ZNF577: variants seen among roughly 807,000 people sequenced by gnomAD.
ZNF577 encodes zinc finger protein 577.
In ZNF577, 14 loss-of-function variants were observed where a neutral mutation model predicts 13.9. The observed-to-expected ratio is 1.00, with a 90% CI of 0.66 to 1.57. ZNF577 has a LOEUF of 1.57. Among genes scored for constraint, ZNF577 ranks in the 40% most tolerant of loss-of-function variants. ZNF577 has a pLI of 0.00. For missense variants in ZNF577, 555 were observed against 579.2 expected (o/e 0.96, Z 0.43); for synonymous variants, 203 against 202.9 (o/e 1.00, Z 0.00).
chr19:51,874,172 C>T (rs1362289506), intron 5 of ZNF577, among the ~76,000 whole-genome samples: 1 of 152,116 alleles, frequency 6.6e-6, no homozygotes, highest in Non-Finnish European at 1.5e-5. Flanking sequence ...CACATTGCAA[C>T]TGGAATAAAT....
Position 51,872,876 on chromosome 19 carries a change from G to A in ZNF577, c.1114C>T (p.His372Tyr). The A allele has an allele frequency of 6.2e-7, 1 of 1,614,172 alleles. No individual in the cohort carries two copies. Among genetic ancestry groups the A allele is most frequent in the African/African-American group, 1.3e-5 (1 of 75,044 alleles). ...AFAHMSVLIK[H>Y]EKTHIRETAI... ...GTCTCTCTTATGTGAGTTTTCTCAT[G>A]TTTAATGAGGACTGACATGTGGGCA... Residue 372 changes from histidine (H) to tyrosine (Y), a missense_variant, in exon 6 of 6, where the codon CAT (histidine) becomes TAT (tyrosine). His to Tyr is a moderately conservative substitution (Grantham distance 83). Transcript: ENST00000638348.
At chr19:51,866,071 C>T (rs912074726), downstream of ZNF577, among the ~76,000 whole-genome samples, 4 of 151,200 alleles carry the variant, frequency 2.6e-5, no homozygotes, top group Admixed American at 6.6e-5. Flanking sequence ...GCTGAGATGG[C>T]GCCACTGCAC....
At position 51,887,222 on chromosome 19, in the gene ZNF577, T is replaced by C. The variant is rs2084960511; in HGVS notation, c.-620A>G. 6.6e-6 allele frequency: 1 copy of C among 152,190 alleles called. No individual in the cohort carries two copies. The highest frequency in any genetic ancestry group is 1.5e-5 in the Non-Finnish European group (1 of 68,032). 9.4% of individuals were successfully genotyped at this position (152,190 alleles called of 1,614,324 possible). The stretch of plus-strand genomic sequence containing the variant: ...TGTTCCTGAAAGTGTTGTATCTAGA[T>C]CTACATCAATTCTACCCAAATTAAA... On this transcript the variant is annotated 5_prime_UTR_variant, in exon 1 of 6. Coordinates refer to ENST00000638348, the MANE Select transcript of ZNF577 (RefSeq NM_001370449.1).
At chr19:51,843,674 G>A (rs1326469073) in intron 6 of ZNF577, among the ~76,000 whole-genome samples, 1 of 152,146 alleles carries the variant, frequency 6.6e-6, no homozygotes, top group Non-Finnish European at 1.5e-5. Context: ...TTCTGATCTT[G>A]CACAGAGTAG....
chr19:51,805,367 T>C (rs1209555950), intron 10 of ZNF577: 1 of 152,216 alleles, frequency 6.6e-6, no homozygotes, highest in Non-Finnish European at 1.5e-5. Context: ...CTTCCTGGAA[T>C]TCAGTCCAGT....
At chr19:51,834,675 G>C (rs1053343797) in intron 9 of ZNF577, among the ~76,000 whole-genome samples, 1 of 146,456 alleles carries the variant, frequency 6.8e-6, no homozygotes, top group African/African-American at 2.5e-5. Context: ...TAAAGCTAAA[G>C]ACAGTGTGCA....
chr19:51,839,446 A>C (rs1470134421), intron 9 of ZNF577, among the ~76,000 whole-genome samples: 1 of 152,134 alleles, frequency 6.6e-6, no homozygotes, highest in East Asian at 1.9e-4. Context: ...ATACCCATAC[A>C]CATATACCAA....
chr19:51,816,891 T>A (rs1368630456), intron 9 of ZNF577, among the ~76,000 whole-genome samples: 1 of 152,234 alleles, frequency 6.6e-6, no homozygotes, highest in Non-Finnish European at 1.5e-5. Flanking sequence ...GAAGTATGTG[T>A]GTAAATAGAG....
intron 9 of ZNF577, among the ~76,000 whole-genome samples, chr19:51,814,256 A>C (rs964854716): frequency 1.3e-5 from 2 of 152,126 alleles, no homozygotes; most frequent in Non-Finnish European, 2.9e-5. Flanking sequence ...TGTTGCTTAA[A>C]ATCTCAGAAA....
chr19:51,830,704 T>C (rs945453400), intron 9 of ZNF577, among the ~76,000 whole-genome samples: 1 of 152,258 alleles, frequency 6.6e-6, no homozygotes, highest in African/African-American at 2.4e-5. Context: ...GTTTTCTTCC[T>C]ACCTCAGTGA....
intron 4 of ZNF577, chr19:51,877,992 A>T (rs2084793712): frequency 6.3e-6 from 1 of 159,194 alleles, no homozygotes; most frequent in Non-Finnish European, 1.4e-5. Flanking sequence ...ATAATAAGTG[A>T]AATAAGCCAG....
At position 51,872,565 on chromosome 19, in the gene ZNF577, A is replaced by G. The variant is rs1296070477; in HGVS notation, c.1425T>C (p.Tyr475=). 1.1e-5 allele frequency: 18 copies of G among 1,605,834 alleles called. No individual in the cohort carries two copies. The highest frequency in any genetic ancestry group is 1.4e-5 in the Non-Finnish European group (17 of 1,176,892). The part of the protein sequence containing the change: ...EVNVAPSVIN[Y]ILYLTDIVSE ...ATACAATATCTGTAAGATACAAGAT[A>G]TAATTTATTACTGATGGGGCCACAT... The change falls in exon 6 of 6, where the codon TAT becomes TAC. Residue 475 remains tyrosine (Y), a synonymous_variant. Coordinates refer to ENST00000638348, the MANE Select transcript of ZNF577 (RefSeq NM_001370449.1).
chr19:51,874,270 C>A (rs1438549201), intron 5 of ZNF577, among the ~76,000 whole-genome samples: 1 of 152,164 alleles, frequency 6.6e-6, no homozygotes, highest in East Asian at 1.9e-4. Flanking sequence ...AATCATTATT[C>A]TCTCTCTCCA....
chr19:51,807,151 G>C (rs2084064859), intron 10 of ZNF577, among the ~76,000 whole-genome samples: 1 of 152,180 alleles, frequency 6.6e-6, no homozygotes, highest in South Asian at 2.1e-4. Context: ...CTTGCCTCTA[G>C]TGGACAATGG....
chr19:51,846,173 A>C (rs2084350083), intron 5 of ZNF577, among the ~76,000 whole-genome samples: 1 of 152,206 alleles, frequency 6.6e-6, no homozygotes, highest in African/African-American at 2.4e-5. Context: ...CCAGCTAATT[A>C]GTCCACCATG....
intron 9 of ZNF577, among the ~76,000 whole-genome samples, chr19:51,820,018 G>T (rs1333126025): frequency 6.6e-6 from 1 of 152,158 alleles, no homozygotes; most frequent in Non-Finnish European, 1.5e-5. Context: ...AATAGCAAGG[G>T]CACGTAAATT....
intron 9 of ZNF577, among the ~76,000 whole-genome samples, chr19:51,811,856 T>G (rs1420650113): frequency 6.6e-6 from 1 of 152,222 alleles, no homozygotes; most frequent in Non-Finnish European, 1.5e-5. Flanking sequence ...CCTGCATTCA[T>G]GATAAACAGT....
intron 9 of ZNF577, among the ~76,000 whole-genome samples, chr19:51,813,096 G>A (rs1393389917): frequency 6.6e-6 from 1 of 151,034 alleles, no homozygotes; most frequent in South Asian, 2.1e-4. Context: ...TCCAGCATGG[G>A]TGACAGAGTG....
chr19:51,874,285 C>T lies in ZNF577; in HGVS notation c.284-579G>A, dbSNP rs111479445. ...AATCATTATTCTCTCTCTCCATGAA[C>T]CTGTCATTCAGGTAAAGACAGAGAA... On this transcript the variant is annotated intron_variant, in intron 5 of 5. Transcript: ENST00000638348. Among the ~76,000 whole-genome samples, 681 of 152,196 alleles carry T rather than the reference C, an allele frequency of 4.5e-3. 4 individuals are homozygous for T. The highest frequency in any genetic ancestry group is 0.015 in the African/African-American group (619 of 41,502).
Sources: gnomAD v4.1 joint callset for allele counts (sites outside exome capture counted in the v4.1 genomes callset) on GRCh38, gnomAD v4.1.1 for gene constraint, MANE v1.5 for transcripts, NCBI Gene and HGNC (gene_info 2026-07-23, HGNC 2026-07-21) for gene names.